The following ZNF704 variants were observed in gnomAD, a reference collection of about 807,000 sequenced individuals.
ZNF704 encodes glucocorticoid induced gene 1.
A neutral mutation model predicts 44.7 loss-of-function variants in ZNF704; 10 were observed. That is an observed-to-expected ratio of 0.22 (90% CI 0.14 to 0.38). The LOEUF is 0.38. Ranked by LOEUF, ZNF704 falls within the 10% of genes least tolerant of loss-of-function variation. The probability of loss-of-function intolerance (pLI) is 1.00; values close to 1 mark genes in which losing one functional copy is unlikely to be tolerated. For synonymous variants in ZNF704, 211 were observed against 207.6 expected, an observed-to-expected ratio of 1.02 and a Z score of -0.14; for missense variants, 390 against 545.5, an observed-to-expected ratio of 0.71 and a Z score of 2.84.
At chr8:80,727,244 A>G (rs1264360001) in intron 2 of ZNF704, among the ~76,000 whole-genome samples, 1 of 152,228 alleles carries the variant, frequency 6.6e-6, no homozygotes, top group Non-Finnish European at 1.5e-5. Context: ...CTCCCTTGCT[A>G]TAGCCATGTG....
upstream of ZNF704, among the ~76,000 whole-genome samples, chr8:80,876,587 C>T (rs138591092): frequency 4.5e-4 from 68 of 152,244 alleles, no homozygotes; most frequent in East Asian, 0.012. Context: ...CACCTAGGTC[C>T]GAATCCTGAC....
At chr8:80,747,388 T>G (rs1806864993) in intron 2 of ZNF704, among the ~76,000 whole-genome samples, 1 of 152,136 alleles carries the variant, frequency 6.6e-6, no homozygotes, top group African/African-American at 2.4e-5. Context: ...TACAAAGCAG[T>G]ACAGGAAACG....
chr8:80,727,788 G>A (rs1282887432), intron 2 of ZNF704, among the ~76,000 whole-genome samples: 1 of 152,140 alleles, frequency 6.6e-6, no homozygotes, highest in Non-Finnish European at 1.5e-5. Flanking sequence ...CTTTTCCTGA[G>A]CATAGGAAAA....
chr8:80,667,652 G>A (rs1173292725), intron 5 of ZNF704, among the ~76,000 whole-genome samples: 2 of 152,222 alleles, frequency 1.3e-5, no homozygotes, highest in Non-Finnish European at 2.9e-5. Context: ...ACACACATCG[G>A]TGTATTTGGC....
chr8:80,665,568 G>T (rs942419229), intron 5 of ZNF704, among the ~76,000 whole-genome samples: 1 of 152,046 alleles, frequency 6.6e-6, no homozygotes, highest in African/African-American at 2.4e-5. Flanking sequence ...ATGACTTAAG[G>T]GGTACCACGT....
At chr8:80,865,225 C>T (rs1246401562) in intron 1 of ZNF704, among the ~76,000 whole-genome samples, 3 of 152,152 alleles carry the variant, frequency 2.0e-5, no homozygotes, top group Non-Finnish European at 4.4e-5. Flanking sequence ...TGTCTAATTT[C>T]AGGAGGTCTC....
intron 2 of ZNF704, among the ~76,000 whole-genome samples, chr8:80,753,503 C>T (rs1806983262): frequency 6.6e-6 from 1 of 151,926 alleles, no homozygotes; most frequent in African/African-American, 2.4e-5. Flanking sequence ...AGTGCTGAGC[C>T]CAAACAACAA....
chr8:80,691,518 C>T (rs1818634911), intron 3 of ZNF704, among the ~76,000 whole-genome samples: 1 of 152,190 alleles, frequency 6.6e-6, no homozygotes, highest in Non-Finnish European at 1.5e-5. Flanking sequence ...TCTCTGGTCA[C>T]CTCAGGGTCT....
chr8:80,796,822 GAAAAGAAAGAAAAGAAAAGAA>G (rs1807808469), intron 2 of ZNF704, among the ~76,000 whole-genome samples: 1 of 141,522 alleles, frequency 7.1e-6, no homozygotes, highest in Non-Finnish European at 1.5e-5. Flanking sequence ...CACTGTGAAA[GAAAAGAAAGAAAAGAAAAGAA>G]AAAAGAAAGA....
intron 2 of ZNF704, among the ~76,000 whole-genome samples, chr8:80,763,470 G>C (rs1299191774): frequency 6.6e-6 from 1 of 152,192 alleles, no homozygotes; most frequent in East Asian, 1.9e-4. Context: ...ATGGCCTGTG[G>C]TGTACCTTGG....
At chr8:80,800,875 T>C (rs181492406) in intron 2 of ZNF704, among the ~76,000 whole-genome samples, 3 of 152,148 alleles carry the variant, frequency 2.0e-5, no homozygotes, top group East Asian at 3.9e-4. Context: ...GCAAGCTAGA[T>C]AAGGAGCCAA....
intron 2 of ZNF704, among the ~76,000 whole-genome samples, chr8:80,733,214 C>T (rs1350166798): frequency 6.6e-6 from 1 of 152,074 alleles, no homozygotes; most frequent in Non-Finnish European, 1.5e-5. Flanking sequence ...TCTCATAGAA[C>T]ATATTAAACA....
intron 2 of ZNF704, among the ~76,000 whole-genome samples, chr8:80,696,049 T>C (rs1426491153): frequency 6.6e-6 from 1 of 152,246 alleles, no homozygotes; most frequent in African/African-American, 2.4e-5. Flanking sequence ...TTTGGTACAC[T>C]ACTATCTAAT....
the ZNF704 span, among the ~76,000 whole-genome samples, chr8:80,883,355 G>A: frequency 6.6e-6 from 1 of 150,888 alleles, no homozygotes; most frequent in South Asian, 2.1e-4. Context: ...CCATTTTAAT[G>A]TATTTAACAT....
At chr8:80,804,688 G>A (rs1008343198) in intron 2 of ZNF704, among the ~76,000 whole-genome samples, 1 of 152,120 alleles carries the variant, frequency 6.6e-6, no homozygotes, top group Non-Finnish European at 1.5e-5. Context: ...AGTGGGAGGT[G>A]GGAGGAGGAA....
At chr8:80,645,145 C>T in intron 7 of ZNF704, 2 of 1,606,826 alleles carry the variant, frequency 1.2e-6, no homozygotes, top group Non-Finnish European at 1.7e-6. Flanking sequence ...TCGTATTTGT[C>T]CAAATAGTAA....
chr8:80,645,131 G>C, intron 7 of ZNF704: 14 of 1,608,450 alleles, frequency 8.7e-6, no homozygotes, highest in Non-Finnish European at 1.2e-5. Flanking sequence ...CAAACTCCTC[G>C]TCGTCGTATT....
At chr8:80,846,160 C>A (rs1479302079) in intron 1 of ZNF704, among the ~76,000 whole-genome samples, 1 of 152,048 alleles carries the variant, frequency 6.6e-6, no homozygotes, top group Non-Finnish European at 1.5e-5. Context: ...TGCCTCTCCA[C>A]CTAAGTAATG....
chr8:80,818,103 G>A (rs966245315), intron 2 of ZNF704, among the ~76,000 whole-genome samples: 1 of 152,076 alleles, frequency 6.6e-6, no homozygotes, highest in Non-Finnish European at 1.5e-5. Context: ...TGAAATAAGC[G>A]ATTGAAATAC....
Sources: gnomAD v4.1 joint callset for allele counts (sites outside exome capture counted in the v4.1 genomes callset) on GRCh38, gnomAD v4.1.1 for gene constraint, MANE v1.5 for transcripts, NCBI Gene and HGNC (gene_info 2026-07-23, HGNC 2026-07-21) for gene names.